The following UNC80 variants were observed in gnomAD, a reference collection of about 807,000 sequenced individuals.
UNC80 encodes protein unc-80 homolog.
UNC80 carries 164 observed loss-of-function variants against 384.6 expected under a neutral mutation model. The observed-to-expected ratio is 0.43, with a 90% CI of 0.38 to 0.49. The LOEUF (loss-of-function observed/expected upper bound fraction) is 0.49. Among genes scored for constraint, UNC80 ranks in the 20% least tolerant of loss-of-function variants. The pLI, the probability that UNC80 is intolerant of heterozygous loss-of-function variation, is 0.00. For synonymous variants in UNC80, 1,486 were observed against 1,527.8 expected (o/e 0.97, Z 0.64); for missense variants, 3,330 against 4,143.0 (o/e 0.80, Z 5.39).
At chr2:209,941,124 C>A in intron 43 of UNC80, 97 bp from the exon 44 acceptor site, 1 of 1,383,848 alleles carries the variant, frequency 7.2e-7, no homozygotes, top group Non-Finnish European at 9.5e-7. Context: ...GGAGCTGGAA[C>A]AAACGGAGAA....
At chr2:209,858,016 T>C (rs1203900322) in intron 22 of UNC80, among the ~76,000 whole-genome samples, 3 of 152,324 alleles carry the variant, frequency 2.0e-5, no homozygotes, top group South Asian at 4.1e-4. Flanking sequence ...GTGATTGATA[T>C]ACGTACGATC....
chr2:209,903,391 T>TTTATATATATATTATATATATACACA (rs2087670490), intron 28 of UNC80, among the ~76,000 whole-genome samples: 3 of 122,252 alleles, frequency 2.5e-5, no homozygotes, highest in South Asian at 2.3e-4. Context: ...TGTATATATA[T>TTTATATATATATTATATATATACACA]TTATATATAT....
In UNC80 at chr2:209,777,369, G is replaced by A. The variant is rs2076925534; in HGVS notation, c.410G>A (p.Arg137Gln). The change falls in exon 4 of 65, where the codon CGA (arginine) becomes CAA (glutamine). Residue 137 changes from arginine to glutamine, a missense_variant. Physicochemically the swap from Arg to Gln is conservative, Grantham distance 43. Around this residue, in one of 8 missense-constraint regions of UNC80, gnomAD observed 937 missense variants for 1,026.8 expected, o/e 0.91. Transcript: ENST00000673920. Reference sequence around the variant, plus strand: ...AATGAGCGGTTTGGGGGTACAGACCGAGGCTCCAGCTGGGGTGGAAGCAGC... The same window carrying A: ...AATGAGCGGTTTGGGGGTACAGACCAAGGCTCCAGCTGGGGTGGAAGCAGC... ...CNNERFGGTD[R>Q]GSSWGGSSSA... 4 of 1,614,176 alleles carry A rather than the reference G, an allele frequency of 2.5e-6. No individual in the cohort carries two copies. The highest frequency in any genetic ancestry group is 1.3e-5 in the African/African-American group (1 of 75,048).
chr2:209,922,307 C>T lies in UNC80; in HGVS notation c.5586C>T (p.Thr1862=), dbSNP rs1221947276. The T allele has an allele frequency of 6.4e-7, 1 of 1,552,210 alleles. No homozygotes were observed. The highest frequency in any genetic ancestry group is 1.2e-5 in the South Asian group (1 of 84,060). Residue 1862 remains threonine, a synonymous_variant, in exon 35 of 65, where the codon ACC becomes ACT. Transcript: ENST00000673920. ...GACTGTCTGTGAGTCCATCCTGCAC[C>T]TCCAGCACTTCCCACAGGAATTATT... The part of the protein sequence containing the change: ...SRRLSVSPSC[T]SSTSHRNYSF...
rs974027483 is a variant in UNC80 at position 209,793,666 on chromosome 2, G to A, written c.799-54G>A. 4.4e-6 allele frequency: 7 copies of A among 1,600,842 alleles called. No homozygotes were observed. In the African/African-American group the frequency reaches 8.1e-5, roughly 18 times the overall value. On this transcript the variant is annotated intron_variant, in intron 6 of 64. Transcript: ENST00000673920. The stretch of plus-strand genomic sequence containing the variant: ...CTAATTCTAGATGATATAGCTACAG[G>A]GGAAAACAAAAAACAAAAAACAAAA...
intron 51 of UNC80, among the ~76,000 whole-genome samples, chr2:209,965,638 G>T (rs2092721339): frequency 6.6e-6 from 1 of 151,914 alleles, no homozygotes; most frequent in Non-Finnish European, 1.5e-5. Context: ...GGCCAGGCTG[G>T]TCTTGAACTC....
intron 64 of UNC80, among the ~76,000 whole-genome samples, 196 bp from the exon 65 acceptor site, chr2:209,995,133 G>A (rs1233049707): frequency 1.3e-5 from 2 of 152,144 alleles, no homozygotes; most frequent in Non-Finnish European, 2.9e-5. Flanking sequence ...AAAAAATTGT[G>A]TTCATGTTAC....
intron 51 of UNC80, among the ~76,000 whole-genome samples, chr2:209,964,794 A>C (rs1297353232): frequency 6.6e-6 from 1 of 151,766 alleles, no homozygotes; most frequent in Non-Finnish European, 1.5e-5. Flanking sequence ...TCAAAAAAAA[A>C]AAAAAAAAGA....
At chr2:209,917,589 C>T (rs2089657344) in intron 31 of UNC80, among the ~76,000 whole-genome samples, 188 bp from the exon 32 acceptor site, 1 of 152,150 alleles carries the variant, frequency 6.6e-6, no homozygotes, top group Non-Finnish European at 1.5e-5. Context: ...GTTGTTGCTG[C>T]CCTCGCACCA....
At chr2:209,836,971 C>T (rs182269084) in intron 18 of UNC80, among the ~76,000 whole-genome samples, 17 of 152,274 alleles carry the variant, frequency 1.1e-4, no homozygotes, top group Admixed American at 2.0e-4. Flanking sequence ...TAGTCATACA[C>T]GTATCATGCC....
chr2:209,789,534 A>G lies in UNC80; in HGVS notation c.727A>G (p.Lys243Glu), dbSNP rs777396216. 7 of 1,611,264 alleles carry G rather than the reference A, an allele frequency of 4.3e-6. No individual in the cohort carries two copies. The highest frequency in any genetic ancestry group is 5.9e-6 in the Non-Finnish European group (7 of 1,178,026). The part of the protein sequence containing the change: ...VKPIRNIITA[K>E]RSSPINSQSR... ...TGGAACTTCTTCCGTCTTTTCAGCT[A>G]AGAGAAGTTCTCCTATCAACAGTCA... The change falls in exon 6 of 65, where the codon AAG becomes GAG. Residue 243 changes from lysine to glutamate, a missense_variant and splice_region_variant. Physicochemically the swap from Lys to Glu is moderately conservative, Grantham distance 56 (BLOSUM62 1). Transcript: ENST00000673920.
chr2:209,788,432 T>C (rs991723464), intron 5 of UNC80, among the ~76,000 whole-genome samples: 1 of 149,850 alleles, frequency 6.7e-6, no homozygotes, highest in African/African-American at 2.4e-5. Context: ...AAAAAAAAAG[T>C]TTTAAAAAAA....
At chr2:209,990,601 C>T (rs1464941618) in intron 61 of UNC80, among the ~76,000 whole-genome samples, 1 of 152,134 alleles carries the variant, frequency 6.6e-6, no homozygotes, top group African/African-American at 2.4e-5. Flanking sequence ...AATACTCTTT[C>T]CAATTTAACA....
chr2:209,897,481 C>T (rs2086915554), intron 28 of UNC80, among the ~76,000 whole-genome samples: 1 of 152,110 alleles, frequency 6.6e-6, no homozygotes, highest in Non-Finnish European at 1.5e-5. Flanking sequence ...TGTAGGTCCT[C>T]CAATTTTGTT....
At chr2:209,952,336 T>G (rs778876140) in intron 47 of UNC80, among the ~76,000 whole-genome samples, 1 of 152,228 alleles carries the variant, frequency 6.6e-6, no homozygotes, top group Non-Finnish European at 1.5e-5. Flanking sequence ...CTAGCAATTG[T>G]GGTAGGGCAG....
At chr2:209,800,105 CT>C (rs1428782855) in intron 7 of UNC80, among the ~76,000 whole-genome samples, 10 of 152,244 alleles carry the variant, frequency 6.6e-5, no homozygotes, top group Non-Finnish European at 5.9e-5. Flanking sequence ...GGAATCCCTC[CT>C]TTTTAATTGT....
Position 209,918,675 on chromosome 2 carries a change from AC to A in UNC80, c.5343+13del, listed in dbSNP as rs2089765453. 6.5e-7 allele frequency: 1 copy of A among 1,541,048 alleles called. No homozygotes were observed. Among genetic ancestry groups the A allele is most frequent in the Non-Finnish European group, 8.8e-7 (1 of 1,140,010 alleles). On this transcript the variant is annotated intron_variant, in intron 33 of 64. Coordinates refer to ENST00000673920, the MANE Select transcript of UNC80 (RefSeq NM_001371986.1). Reference sequence around the variant, plus strand: ...ATGAAGACCAGTCTGTGAGTAACAGACACTTCCAGGTTCCATGGTGTACGTG... The same window carrying A: ...ATGAAGACCAGTCTGTGAGTAACAGAACTTCCAGGTTCCATGGTGTACGTG...
intron 6 of UNC80, among the ~76,000 whole-genome samples, chr2:209,792,730 C>T (rs896876702): frequency 1.3e-5 from 2 of 152,118 alleles, no homozygotes; most frequent in Non-Finnish European, 2.9e-5. Context: ...ACAATTTCAC[C>T]TGTTCCTTTT....
In UNC80 at chr2:209,841,248, A is replaced by G. The variant is rs528674175; in HGVS notation, c.3357+600A>G. On this transcript the variant is annotated intron_variant, in intron 20 of 64. Coordinates refer to ENST00000673920, the MANE Select transcript of UNC80 (RefSeq NM_001371986.1). The stretch of plus-strand genomic sequence containing the variant: ...TATGATAAGAGTTATGTTTCCTTTT[A>G]TGTGTACAAATTATTTGCTTGCATT... Among the ~76,000 whole-genome samples the G allele has an allele frequency of 2.6e-5, 4 of 152,200 alleles. No homozygotes were observed. In the East Asian group the frequency reaches 7.7e-4, roughly 29 times the overall value.
Sources: gnomAD v4.1 joint callset for allele counts (sites outside exome capture counted in the v4.1 genomes callset) on GRCh38, gnomAD v4.1.1 for gene constraint, gnomAD v4.1.1 regional missense constraint, MANE v1.5 for transcripts, NCBI Gene and HGNC (gene_info 2026-07-23, HGNC 2026-07-21) for gene names.